CCR5AS: variants seen among roughly 807,000 people sequenced by gnomAD.
CCR5AS encodes CCR5 antisense RNA.
At chr3:46,389,993 C>T (rs767412288) in intron 2 of CCR5AS, among the ~76,000 whole-genome samples, 16 of 152,106 alleles carry the variant, frequency 1.1e-4, no homozygotes, top group Non-Finnish European at 1.5e-4. Flanking sequence ...AAGAAGCAGG[C>T]TAGTGTCCTG....
chr3:46,368,184 G>A (rs941000416), intron 3 of CCR5AS, among the ~76,000 whole-genome samples: 1 of 152,134 alleles, frequency 6.6e-6, no homozygotes, highest in African/African-American at 2.4e-5. Flanking sequence ...AGACAAAAAG[G>A]CCCCAAAAAG....
At chr3:46,381,222 C>A (rs1368078685) in intron 2 of CCR5AS, among the ~76,000 whole-genome samples, 2 of 152,176 alleles carry the variant, frequency 1.3e-5, no homozygotes, top group Admixed American at 6.5e-5. Context: ...AAGGGCCTGT[C>A]TGAGATGTTT....
chr3:46,382,200 G>A (rs529292331), intron 2 of CCR5AS, among the ~76,000 whole-genome samples: 47 of 152,356 alleles, frequency 3.1e-4, no homozygotes, highest in African/African-American at 1.0e-3. Context: ...CAAGTGTACA[G>A]TAAAGGAACA....
chr3:46,366,585 G>C (rs1701601755), intron 3 of CCR5AS, among the ~76,000 whole-genome samples: 1 of 152,216 alleles, frequency 6.6e-6, no homozygotes. Context: ...TTGATGAATT[G>C]CACAAATCCC....
chr3:46,382,078 C>G (rs1701822057), intron 2 of CCR5AS, among the ~76,000 whole-genome samples: 1 of 152,336 alleles, frequency 6.6e-6, no homozygotes, highest in South Asian at 2.1e-4. Flanking sequence ...CATAGATAAG[C>G]AAGCTGGAAG....
At chr3:46,366,480 A>G (rs764088661) in intron 3 of CCR5AS, among the ~76,000 whole-genome samples, 1 of 152,226 alleles carries the variant, frequency 6.6e-6, no homozygotes, top group Non-Finnish European at 1.5e-5. Flanking sequence ...CTAAATGCAT[A>G]GAGAAGACTT....
At chr3:46,374,104 A>G (rs1451338956) in intron 2 of CCR5AS, 2 of 510,962 alleles carry the variant, frequency 3.9e-6, no homozygotes, top group Non-Finnish European at 7.0e-6. Context: ...TCATCCATTT[A>G]TTTGGCATCT....
chr3:46,377,543 T>A (rs891690906), intron 2 of CCR5AS, among the ~76,000 whole-genome samples: 1 of 152,234 alleles, frequency 6.6e-6, no homozygotes, highest in Non-Finnish European at 1.5e-5. Flanking sequence ...TCAACTGTTA[T>A]GATTAAATTT....
At chr3:46,365,638 C>T (rs1330459238) in intron 3 of CCR5AS, among the ~76,000 whole-genome samples, 1 of 152,198 alleles carries the variant, frequency 6.6e-6, no homozygotes, top group Non-Finnish European at 1.5e-5. Flanking sequence ...GGTCAAGATG[C>T]CCCAGAGTGG....
rs553482063 is a variant in CCR5AS, at chr3:46,404,172, T to C, written n.163+2725A>G. Among the ~76,000 whole-genome samples the C allele has an allele frequency of 2.2e-4, 33 of 152,264 alleles. No individual in the cohort carries two copies. The South Asian group carries it at 6.6e-3, about 31-fold the overall frequency. On this transcript the variant is annotated intron_variant and non_coding_transcript_variant, in intron 1 of 3. Coordinates refer to ENST00000451485, the Ensembl canonical transcript of CCR5AS. ...TTCGGTAAAATTATTGCTAAGGTTATCACCCAGTGTGTGTTTTCAACCTCC... is the reference window on the plus strand; with the variant it reads ...TTCGGTAAAATTATTGCTAAGGTTACCACCCAGTGTGTGTTTTCAACCTCC...
chr3:46,379,001 C>CTTTTTTTTTTTTTTTTTATTTT (rs1701788200), intron 2 of CCR5AS, among the ~76,000 whole-genome samples: 1 of 125,516 alleles, frequency 8.0e-6, no homozygotes, highest in Non-Finnish European at 1.8e-5. Context: ...TGGTAAATTT[C>CTTTTTTTTTTTTTTTTTATTTT]TTTTTTTTTT....
rs1701678543 is a variant in CCR5AS, at chr3:46,372,631, A to C, written n.392-1214T>G. The stretch of plus-strand genomic sequence containing the variant: ...CATTCACTCCATGGTGCTATAGAGC[A>C]CAAGATTTTATTTGGTGAGATGGTG... On this transcript the variant is annotated intron_variant and non_coding_transcript_variant, in intron 2 of 3. Transcript: ENST00000451485. 1.6e-5 allele frequency: 5 copies of C among 317,198 alleles called. No homozygotes were observed. The South Asian group carries it at 2.4e-4, about 15-fold the overall frequency. 19.6% of individuals were successfully genotyped at this position (317,198 alleles called of 1,614,324 possible).
At chr3:46,373,161 G>T (rs762209242) in intron 2 of CCR5AS, 1 of 1,613,938 alleles carries the variant, frequency 6.2e-7, no homozygotes, top group Admixed American at 1.7e-5. Flanking sequence ...CCCCTTCTGG[G>T]CTCACTATGC....
intron 3 of CCR5AS, among the ~76,000 whole-genome samples, chr3:46,367,434 T>G (rs1701611041): frequency 6.6e-6 from 1 of 151,946 alleles, no homozygotes; most frequent in Non-Finnish European, 1.5e-5. Flanking sequence ...GAAAAGTGCA[T>G]GGGAAAAGTC....
chr3:46,396,868 C>T (rs928147727), intron 1 of CCR5AS, among the ~76,000 whole-genome samples: 15 of 152,344 alleles, frequency 9.8e-5, no homozygotes, highest in South Asian at 2.1e-4. Context: ...AGCCTGAGCC[C>T]TGGATTCCCA....
At chr3:46,373,177 C>A in intron 2 of CCR5AS, 1 of 1,614,182 alleles carries the variant, frequency 6.2e-7, no homozygotes, top group Non-Finnish European at 8.5e-7. Context: ...TATGCTGCCG[C>A]CCAGTGGGAC....
intron 2 of CCR5AS, among the ~76,000 whole-genome samples, chr3:46,377,750 G>C (rs1701776615): frequency 6.6e-6 from 1 of 151,872 alleles, no homozygotes; most frequent in Non-Finnish European, 1.5e-5. Flanking sequence ...CTGTTGCCCA[G>C]GCTGGAGTGC....
chr3:46,378,847 A>G (rs1404065732), intron 2 of CCR5AS, among the ~76,000 whole-genome samples: 1 of 152,200 alleles, frequency 6.6e-6, no homozygotes, highest in East Asian at 1.9e-4. Context: ...TGAGCTTGCA[A>G]CAAGATCAGA....
At chr3:46,368,065 C>T (rs1701617173) in intron 3 of CCR5AS, among the ~76,000 whole-genome samples, 1 of 152,080 alleles carries the variant, frequency 6.6e-6, no homozygotes, top group African/African-American at 2.4e-5. Context: ...TTCTCCCCAT[C>T]CTGTTGACGA....
Sources: gnomAD v4.1 joint callset for allele counts (sites outside exome capture counted in the v4.1 genomes callset) on GRCh38, gnomAD v4.1.1 for gene constraint, MANE v1.5 for transcripts, NCBI Gene and HGNC (gene_info 2026-07-23, HGNC 2026-07-21) for gene names.